Variants in MAOA observed in about 807,000 individuals in gnomAD.
The protein encoded by MAOA is amine oxidase [flavin-containing] A.
In MAOA, 6 loss-of-function variants were observed where a neutral mutation model predicts 42.0. The observed-to-expected ratio is 0.14, with a 90% confidence interval of 0.08 to 0.28. The LOEUF is 0.28. Among genes scored for constraint, MAOA ranks in the 10% least tolerant of loss-of-function variants. MAOA has a pLI of 1.00. For missense variants in MAOA, 262 were observed against 422.3 expected, an observed-to-expected ratio of 0.62 and a Z score of 3.33; for synonymous variants, 140 against 154.0, an observed-to-expected ratio of 0.91 and a Z score of 0.67.
upstream of MAOA, chrX:43,656,201 A>G (rs2033177357): frequency 3.8e-6 from 2 of 532,583 alleles, no homozygotes; most frequent in Non-Finnish European, 6.4e-6. Flanking sequence ...CGCCCCGCCC[A>G]CAGTGCCCGG....
At chrX:43,660,885 T>G (rs2033227683) in intron 1 of MAOA, among the ~76,000 whole-genome samples, 2 of 111,876 alleles carry the variant, frequency 1.8e-5, no homozygotes, top group Admixed American at 9.5e-5. Flanking sequence ...TGAGAATTTC[T>G]GAAATGGTTC....
rs376603508 is a variant in MAOA, at chrX:43,743,842, T to A, written c.1311T>A (p.Thr437=). The change falls in exon 13 of 15, where the codon ACT becomes ACA. Residue 437 remains threonine, a synonymous_variant. Transcript: ENST00000338702. The part of the protein sequence containing the change: ...VGRIFFAGTE[T]ATKWSGYMEG... ...GGATTTTCTTTGCGGGCACAGAGACTGCCACAAAGTGGAGCGGCTACATGG... is the reference window on the plus strand; with the variant it reads ...GGATTTTCTTTGCGGGCACAGAGACAGCCACAAAGTGGAGCGGCTACATGG... 2.0e-5 allele frequency: 24 copies of A among 1,173,281 alleles called. No individual in the cohort carries two copies. The highest frequency in any genetic ancestry group is 2.5e-5 in the Non-Finnish European group (22 of 875,634).
intron 1 of MAOA, among the ~76,000 whole-genome samples, chrX:43,671,724 G>C (rs1215586972): frequency 8.8e-5 from 9 of 102,747 alleles, no homozygotes; most frequent in East Asian, 3.0e-4. Flanking sequence ...GCTTGTTTTT[G>C]TCAGGTTTGT....
At chrX:43,737,902 A>G (rs1320718059) in intron 10 of MAOA, among the ~76,000 whole-genome samples, 1 of 111,817 alleles carries the variant, frequency 8.9e-6, no homozygotes, top group African/African-American at 3.3e-5. Flanking sequence ...TAAAATAAAT[A>G]CCAGCCTGTA....
At chrX:43,722,547 T>A (rs1261734088) in intron 5 of MAOA, among the ~76,000 whole-genome samples, 1 of 105,921 alleles carries the variant, frequency 9.4e-6, no homozygotes, top group African/African-American at 3.4e-5. Flanking sequence ...GTTTCTTTCT[T>A]GTAAATTTGT....
chrX:43,663,790 T>C (rs1258187808), intron 1 of MAOA, among the ~76,000 whole-genome samples: 4 of 112,343 alleles, frequency 3.6e-5, no homozygotes, highest in Non-Finnish European at 7.5e-5. Context: ...TGGGACACCC[T>C]ATTAAATAAA....
intron 3 of MAOA, among the ~76,000 whole-genome samples, chrX:43,697,534 C>G (rs1163288978): frequency 8.9e-6 from 1 of 112,248 alleles, no homozygotes; most frequent in African/African-American, 3.2e-5. Flanking sequence ...CAAATAGCTA[C>G]ACATTTAAGA....
chrX:43,740,926 G>A (rs1467444364), intron 11 of MAOA, among the ~76,000 whole-genome samples, 188 bp downstream of exon 11: 2 of 111,511 alleles, frequency 1.8e-5, no homozygotes, highest in Non-Finnish European at 3.8e-5. Context: ...TGGAATTTCT[G>A]ACACAGCAAC....
At chrX:43,732,186 C>T (rs776688972) in intron 8 of MAOA, among the ~76,000 whole-genome samples, 29 of 111,563 alleles carry the variant, frequency 2.6e-4, no homozygotes, top group Admixed American at 1.8e-3. Context: ...TTACACATTC[C>T]GGGACTTCGC....
In MAOA at chrX:43,732,809, G is replaced by A. The variant is rs113551306; in HGVS notation, c.1052+14G>A. On this transcript the variant is annotated intron_variant, in intron 9 of 14. Coordinates refer to ENST00000338702, the MANE Select transcript of MAOA (RefSeq NM_000240.4). ...TGCCATCATGGGGTAGGTTAGAGCA[G>A]GGTGTTCTGCATTTTCCAAATTGTG... 2.7e-5 allele frequency: 30 copies of A among 1,126,720 alleles called. No homozygotes were observed. In the African/African-American group the frequency reaches 2.7e-4, roughly 10 times the overall value. The allele number at this position is 1,126,720 out of a possible 1,213,427, so 92.9% of individuals were successfully genotyped here.
chrX:43,723,526 C>A (rs1404670157), intron 5 of MAOA, among the ~76,000 whole-genome samples: 78 of 111,872 alleles, frequency 7.0e-4, no homozygotes, highest in Admixed American at 2.8e-3. Flanking sequence ...GATTTTTGCA[C>A]ATTGATTTTG....
intron 11 of MAOA, 92 bp from the exon 12 acceptor site, chrX:43,741,858 A>G (rs1180485672): frequency 1.7e-6 from 2 of 1,167,876 alleles, no homozygotes; most frequent in African/African-American, 3.6e-5. Context: ...TATTTTCTTA[A>G]TGTAAACTTT....
chrX:43,719,938 T>C (rs1239737697), intron 5 of MAOA, among the ~76,000 whole-genome samples: 1 of 107,717 alleles, frequency 9.3e-6, no homozygotes, highest in East Asian at 3.0e-4. Context: ...CTGGTGGTGC[T>C]TCGAGGGGGA....
chrX:43,658,792 A>G (rs2033208537), intron 1 of MAOA, among the ~76,000 whole-genome samples: 1 of 112,056 alleles, frequency 8.9e-6, no homozygotes, highest in South Asian at 3.7e-4. Flanking sequence ...GTTCACAGCT[A>G]AAATGAAAGT....
chrX:43,656,750 A>C (rs889707752), intron 1 of MAOA, among the ~76,000 whole-genome samples: 1 of 111,231 alleles, frequency 9.0e-6, no homozygotes, highest in Non-Finnish European at 1.9e-5. Context: ...CCCGTTTTGC[A>C]AAACCAAGAA....
At chrX:43,709,153 C>A (rs988909275) in intron 3 of MAOA, among the ~76,000 whole-genome samples, 1 of 110,857 alleles carries the variant, frequency 9.0e-6, no homozygotes, top group African/African-American at 3.3e-5. Context: ...TGTGAGCCAC[C>A]GCCTCTTCTT....
chrX:43,661,657 A>G (rs1257613366), intron 1 of MAOA, among the ~76,000 whole-genome samples: 1 of 111,652 alleles, frequency 9.0e-6, no homozygotes, highest in Non-Finnish European at 1.9e-5. Context: ...ACATCTACCC[A>G]TGATTTTTGT....
intron 3 of MAOA, among the ~76,000 whole-genome samples, chrX:43,704,594 A>C (rs1000997353): frequency 9.0e-6 from 1 of 110,877 alleles, no homozygotes; most frequent in Non-Finnish European, 1.9e-5. Flanking sequence ...AAAGATATTT[A>C]CTCTGGCCAC....
intron 3 of MAOA, among the ~76,000 whole-genome samples, chrX:43,700,874 A>G (rs567988434): frequency 3.6e-5 from 4 of 112,166 alleles, no homozygotes; most frequent in African/African-American, 1.3e-4. Context: ...ACAAATTTGG[A>G]TAAGTCAGGG....
Sources: allele counts gnomAD v4.1 joint callset (sites outside exome capture counted in the v4.1 genomes callset), GRCh38; gene constraint gnomAD v4.1.1; transcripts MANE v1.5; gene names NCBI Gene and HGNC (gene_info 2026-07-23, HGNC 2026-07-21).